PDE3A: variants seen among roughly 807,000 people sequenced by gnomAD.
PDE3A encodes phosphodiesterase 3A.
A neutral mutation model predicts 98.3 loss-of-function variants in PDE3A; 43 were observed. The observed-to-expected ratio is 0.44, with a 90% confidence interval of 0.34 to 0.56. The LOEUF (loss-of-function observed/expected upper bound fraction) is 0.56, where lower values mean the gene tolerates loss of function less well. Ranked by LOEUF, PDE3A falls within the 20% of genes least tolerant of loss-of-function variation. The pLI is 0.01. For missense variants in PDE3A, 1,427 were observed against 1,440.7 expected, an observed-to-expected ratio of 0.99 and a Z score of 0.15; for synonymous variants, 663 against 567.9, an observed-to-expected ratio of 1.17 and a Z score of -2.38.
At chr12:20,659,504 C>A (rs1038208148) in intron 15 of PDE3A, among the ~76,000 whole-genome samples, 2 of 152,086 alleles carry the variant, frequency 1.3e-5, no homozygotes, top group African/African-American at 4.8e-5. Context: ...TAAGTCATAT[C>A]TACTTCATTA....
intron 15 of PDE3A, among the ~76,000 whole-genome samples, chr12:20,668,295 C>A (rs1208986633): frequency 1.3e-5 from 2 of 152,242 alleles, no homozygotes. Flanking sequence ...ATTGCCCAGG[C>A]TTGATTAGGT....
chr12:20,600,298 T>G (rs1943559403), intron 2 of PDE3A, among the ~76,000 whole-genome samples: 2 of 152,318 alleles, frequency 1.3e-5, no homozygotes, highest in Middle Eastern at 3.4e-3. Context: ...TCTCTTTTGA[T>G]TCCTCATTCT....
chr12:20,479,161 A>G (rs1443891785), intron 1 of PDE3A, among the ~76,000 whole-genome samples: 1 of 152,226 alleles, frequency 6.6e-6, no homozygotes, highest in Non-Finnish European at 1.5e-5. Flanking sequence ...GAATACTTCT[A>G]AATATTCATC....
intron 1 of PDE3A, among the ~76,000 whole-genome samples, chr12:20,442,284 C>T (rs1185005098): frequency 6.6e-6 from 1 of 152,168 alleles, no homozygotes; most frequent in Non-Finnish European, 1.5e-5. Context: ...TTAGGATAGG[C>T]TAAGCTATCT....
chr12:20,568,278 A>G (rs1035375180), intron 2 of PDE3A, among the ~76,000 whole-genome samples: 2 of 152,014 alleles, frequency 1.3e-5, no homozygotes, highest in African/African-American at 4.8e-5. Flanking sequence ...AAGTTCCTTT[A>G]TAAGTAAGTG....
rs1000426343 is a variant in PDE3A, at chr12:20,681,937, A to G, written c.*1666A>G. 5 of 152,198 alleles carry G rather than the reference A, an allele frequency of 3.3e-5. No individual in the cohort carries two copies. Among genetic ancestry groups the G allele is most frequent in the South Asian group, 4.1e-4 (2 of 4,832 alleles). 9.4% of individuals were successfully genotyped at this position (152,198 alleles called of 1,614,324 possible). On this transcript the variant is annotated 3_prime_UTR_variant, in exon 16 of 16. Transcript: ENST00000359062. ...AAAAGGAAAAGGGAAACATTTTTAT[A>G]AAGTTATATTTTAATCACCATTTTT...
intron 1 of PDE3A, among the ~76,000 whole-genome samples, chr12:20,392,334 T>A (rs1202012265): frequency 6.6e-6 from 1 of 151,896 alleles, no homozygotes; most frequent in African/African-American, 2.4e-5. Context: ...TAAAACAATT[T>A]GACAAATTTA....
intron 1 of PDE3A, among the ~76,000 whole-genome samples, chr12:20,392,675 C>T (rs1346372539): frequency 1.3e-5 from 2 of 152,002 alleles, no homozygotes; most frequent in Non-Finnish European, 2.9e-5. Flanking sequence ...AATCAGTATG[C>T]TCCCATGTTT....
chr12:20,558,026 A>C (rs1592055796), intron 2 of PDE3A, among the ~76,000 whole-genome samples: 1 of 152,240 alleles, frequency 6.6e-6, no homozygotes, highest in African/African-American at 2.4e-5. Context: ...TTGCCACCAA[A>C]ACATTTTGAT....
chr12:20,454,117 C>G (rs940758589), intron 1 of PDE3A, among the ~76,000 whole-genome samples: 1 of 152,178 alleles, frequency 6.6e-6, no homozygotes, highest in African/African-American at 2.4e-5. Flanking sequence ...TCTTTGACCT[C>G]GTGTTGTAAC....
chr12:20,419,356 G>C (rs975503816), intron 1 of PDE3A, among the ~76,000 whole-genome samples: 4 of 151,646 alleles, frequency 2.6e-5, no homozygotes, highest in African/African-American at 4.8e-5. Flanking sequence ...GCAGTGGTAC[G>C]ATCATAGCTC....
intron 15 of PDE3A, among the ~76,000 whole-genome samples, chr12:20,670,203 C>T (rs1945434405): frequency 6.7e-6 from 1 of 149,980 alleles, no homozygotes; most frequent in Non-Finnish European, 1.5e-5. Context: ...TAAAGCAAGT[C>T]CTGAGTGACC....
intron 1 of PDE3A, among the ~76,000 whole-genome samples, chr12:20,451,517 G>T (rs1055888094): frequency 3.3e-5 from 5 of 151,916 alleles, no homozygotes; most frequent in African/African-American, 9.7e-5. Flanking sequence ...CAAGTGATCC[G>T]CCCACCTTGG....
chr12:20,506,739 T>G (rs1441555479), intron 1 of PDE3A, among the ~76,000 whole-genome samples: 1 of 152,036 alleles, frequency 6.6e-6, no homozygotes, highest in East Asian at 1.9e-4. Context: ...AACATGAAAC[T>G]TCTAAGGAAA....
At chr12:20,475,406 C>G (rs751329061) in intron 1 of PDE3A, among the ~76,000 whole-genome samples, 2 of 151,998 alleles carry the variant, frequency 1.3e-5, no homozygotes, top group Non-Finnish European at 2.9e-5. Context: ...TTTTACAACC[C>G]CTTCGCCTAA....
intron 1 of PDE3A, among the ~76,000 whole-genome samples, chr12:20,461,925 A>C (rs147776776): frequency 1.3e-5 from 2 of 152,178 alleles, no homozygotes; most frequent in Admixed American, 1.3e-4. Context: ...AAAAATATCA[A>C]TTAGAATGGG....
At chr12:20,370,315 G>T in intron 1 of PDE3A, 71 bp downstream of exon 1, 1 of 1,363,096 alleles carries the variant, frequency 7.3e-7, no homozygotes, top group Non-Finnish European at 9.7e-7. Context: ...AGAGTGGAGA[G>T]AATCCGAGCG....
rs760745490 is a variant in PDE3A at position 20,540,577 on chromosome 12, A to C, written c.961-16083A>C. On this transcript the variant is annotated intron_variant, in intron 1 of 15. Coordinates refer to ENST00000359062, the MANE Select transcript of PDE3A (RefSeq NM_000921.5). ...AGTGTAAATTGAGGCTAACAGGAAA[A>C]TCACCCTATTACTCCTGTAAAGTGA... Among the ~76,000 whole-genome samples the C allele has an allele frequency of 3.9e-4, 60 of 152,072 alleles. 1 individual carries two copies. Among genetic ancestry groups the C allele is most frequent in the Non-Finnish European group, 6.6e-4 (45 of 67,990 alleles).
chr12:20,413,568 G>A (rs1027010472), intron 1 of PDE3A, among the ~76,000 whole-genome samples: 3 of 152,132 alleles, frequency 2.0e-5, no homozygotes, highest in African/African-American at 7.2e-5. Flanking sequence ...AGGCAGCATT[G>A]GTGGAACAGA....
Sources: gnomAD v4.1 joint callset for allele counts (sites outside exome capture counted in the v4.1 genomes callset) on GRCh38, gnomAD v4.1.1 for gene constraint, MANE v1.5 for transcripts, NCBI Gene and HGNC (gene_info 2026-07-23, HGNC 2026-07-21) for gene names.